Variants in CNOT4 observed in about 807,000 individuals in gnomAD.
CNOT4 encodes the protein CCR4-associated factor 4.
In CNOT4, 8 loss-of-function variants were observed where a neutral mutation model predicts 73.8. That is an observed-to-expected ratio of 0.11 (90% CI 0.06 to 0.20). The LOEUF is 0.20. Among genes scored for constraint, CNOT4 ranks in the 10% least tolerant of loss-of-function variants. The pLI is 1.00. For synonymous variants in CNOT4, 293 were observed against 321.1 expected, an observed-to-expected ratio of 0.91 and a Z score of 0.94; for missense variants, 564 against 883.4, an observed-to-expected ratio of 0.64 and a Z score of 4.58.
intron 3 of CNOT4, among the ~76,000 whole-genome samples, chr7:135,421,309 A>C (rs1798180298): frequency 6.6e-6 from 1 of 152,078 alleles, no homozygotes; most frequent in Non-Finnish European, 1.5e-5. Flanking sequence ...CTTTCCTCTG[A>C]TTGGTACCAT....
In CNOT4 at chr7:135,363,098, C is replaced by T. The variant is rs750388870; in HGVS notation, c.1929G>A (p.Glu643=). ...HWLKSLQALT[E]MDGPSAAPSQ... is the part of the protein sequence containing the mutation. ...ATGGAGCAGCGCTGGGGCCGTCCAT[C>T]TCTGTGAGGGCCTGAAGGGATTTTA... The change falls in exon 12 of 12, where the codon GAG becomes GAA. Residue 643 remains glutamate (E), a synonymous_variant. Transcript: ENST00000541284. The surrounding 1 kb of genome is among the most constrained non-coding windows in gnomAD (Gnocchi z 4.3). The T allele has an allele frequency of 6.2e-7, 1 of 1,614,020 alleles. No homozygotes were observed. The highest frequency in any genetic ancestry group is 1.3e-5 in the African/African-American group (1 of 75,006).
chr7:135,456,047 A>G (rs974640997), intron 1 of CNOT4, among the ~76,000 whole-genome samples: 12 of 152,236 alleles, frequency 7.9e-5, no homozygotes, highest in Admixed American at 7.8e-4. Context: ...ACATTAGGAA[A>G]CATTTTTGTT....
intron 10 of CNOT4, among the ~76,000 whole-genome samples, chr7:135,374,000 T>C (rs1402273034): frequency 6.6e-6 from 1 of 152,248 alleles, no homozygotes; most frequent in Non-Finnish European, 1.5e-5. Flanking sequence ...GTATTTTTCA[T>C]GGGAAATAAT....
At chr7:135,453,762 TATAAC>T (rs1386518513) in intron 1 of CNOT4, among the ~76,000 whole-genome samples, 3 of 144,632 alleles carry the variant, frequency 2.1e-5, no homozygotes, top group Non-Finnish European at 3.0e-5. Context: ...ATATATAAAA[TATAAC>T]ATATATATGG....
chr7:135,500,907 T>C (rs1031981967), intron 1 of CNOT4, among the ~76,000 whole-genome samples: 1 of 152,184 alleles, frequency 6.6e-6, no homozygotes, highest in African/African-American at 2.4e-5. Context: ...AATATTTCTT[T>C]ATTTTCCAAG....
chr7:135,430,165 C>T (rs755515880), intron 2 of CNOT4, among the ~76,000 whole-genome samples: 2 of 152,316 alleles, frequency 1.3e-5, no homozygotes, highest in Middle Eastern at 3.4e-3. Flanking sequence ...CATTTCCCAA[C>T]TCATTTTATG....
At chr7:135,391,618 T>C (rs1048599710) in intron 10 of CNOT4, among the ~76,000 whole-genome samples, 11 of 152,090 alleles carry the variant, frequency 7.2e-5, no homozygotes, top group Non-Finnish European at 1.6e-4. Context: ...GATAGGACCA[T>C]AATTTAATGT....
At chr7:135,368,700 C>A (rs759017836) in intron 10 of CNOT4, among the ~76,000 whole-genome samples, 1 of 152,198 alleles carries the variant, frequency 6.6e-6, no homozygotes, top group African/African-American at 2.4e-5. Context: ...GAAAATCTCA[C>A]AACAGGTTGA....
At chr7:135,391,280 A>C (rs1253805293) in intron 10 of CNOT4, among the ~76,000 whole-genome samples, 1 of 152,132 alleles carries the variant, frequency 6.6e-6, no homozygotes, top group Non-Finnish European at 1.5e-5. Flanking sequence ...AAATATTTAT[A>C]ATCCATGAGA....
intron 7 of CNOT4, among the ~76,000 whole-genome samples, chr7:135,408,467 A>G (rs1240292615): frequency 6.6e-6 from 1 of 152,250 alleles, no homozygotes. Context: ...GAATTAGTGT[A>G]TAAGAAAATA....
chr7:135,451,559 C>G (rs527776200), intron 1 of CNOT4, among the ~76,000 whole-genome samples: 41 of 152,260 alleles, frequency 2.7e-4, no homozygotes, highest in African/African-American at 9.4e-4. Flanking sequence ...TCCCAAAGTG[C>G]TGGAATTACA....
intron 2 of CNOT4, among the ~76,000 whole-genome samples, chr7:135,424,072 CACACACACACACACACACAT>C (rs1422502326): frequency 2.7e-5 from 4 of 149,702 alleles, no homozygotes; most frequent in Admixed American, 2.7e-4. Flanking sequence ...CACACACACA[CACACACACACACACACACAT>C]TTTTTATTAA....
At chr7:135,393,496 T>C (rs529198419) in intron 10 of CNOT4, among the ~76,000 whole-genome samples, 1 of 152,248 alleles carries the variant, frequency 6.6e-6, no homozygotes, top group South Asian at 2.1e-4. Context: ...AGGTAGAGAG[T>C]GGCTTTATCC....
chr7:135,394,025 C>T lies in CNOT4; in HGVS notation c.1520G>A (p.Ser507Asn). 1 of 1,614,152 alleles carries T rather than the reference C, an allele frequency of 6.2e-7. No homozygotes were observed. Among genetic ancestry groups the T allele is most frequent in the African/African-American group, 1.3e-5 (1 of 75,028 alleles). Residue 507 changes from serine (S) to asparagine (N), a missense_variant, in exon 10 of 12, where the codon AGC becomes AAC. Around this residue, in one of 10 missense-constraint regions of CNOT4, gnomAD observed 153 missense variants for 158.7 expected, o/e 0.96. Transcript: ENST00000541284. ...TGCTGTGTGGTTCAAGTGCATGATG[C>T]TATTGCGTGGAAAGGCCATCCAAGG... ...RYPWMAFPRN[S>N]IMHLNHTANP...
intron 10 of CNOT4, among the ~76,000 whole-genome samples, chr7:135,385,790 T>A (rs1796091324): frequency 6.6e-6 from 1 of 152,222 alleles, no homozygotes; most frequent in Non-Finnish European, 1.5e-5. Flanking sequence ...TAAAATATTA[T>A]CAAGACCTGA....
intron 1 of CNOT4, among the ~76,000 whole-genome samples, chr7:135,497,325 C>A (rs1376740942): frequency 6.6e-6 from 1 of 152,086 alleles, no homozygotes; most frequent in East Asian, 1.9e-4. Flanking sequence ...AGGAGAATTG[C>A]TTGAACCCAG....
chr7:135,400,158 G>C (rs1475052150), intron 7 of CNOT4, among the ~76,000 whole-genome samples: 1 of 152,040 alleles, frequency 6.6e-6, no homozygotes, highest in Non-Finnish European at 1.5e-5. Context: ...AATACCTCCT[G>C]TGTCAAGGGT....
At chr7:135,471,763 G>A (rs1029360995) in intron 1 of CNOT4, among the ~76,000 whole-genome samples, 7 of 152,102 alleles carry the variant, frequency 4.6e-5, no homozygotes, top group Admixed American at 6.6e-5. Flanking sequence ...AGTGTCTTAC[G>A]TTATACACGT....
chr7:135,419,173 C>T lies in CNOT4; in HGVS notation c.372+2983G>A, dbSNP rs182262700. Among the ~76,000 whole-genome samples, 63 of 152,160 alleles carry T rather than the reference C, an allele frequency of 4.1e-4. No homozygotes were observed. The East Asian group carries it at 0.012, about 28-fold the overall frequency. On this transcript the variant is annotated intron_variant, in intron 3 of 11. Transcript: ENST00000541284. ...TTTTCTATCAACCAACAAATGAATA[C>T]ATTTGACAATCAATCTTGGTATGAA...
Sources: gnomAD v4.1 joint callset for allele counts (sites outside exome capture counted in the v4.1 genomes callset) on GRCh38, gnomAD v4.1.1 for gene constraint, gnomAD v4.1.1 regional missense constraint, Gnocchi (gnomAD v3.1) non-coding constraint, MANE v1.5 for transcripts, NCBI Gene and HGNC (gene_info 2026-07-23, HGNC 2026-07-21) for gene names.